The following NLRP3 variants were observed in gnomAD, a reference collection of about 807,000 sequenced individuals.
NLRP3 encodes NACHT, LRR and PYD domains-containing protein 3.
NLRP3 carries 48 observed loss-of-function variants against 91.3 expected under a neutral mutation model. The ratio of observed to expected loss-of-function variants is 0.53; its 90% CI spans 0.42 to 0.67. NLRP3 has a LOEUF of 0.67. NLRP3 is among the 30% of genes least tolerant of loss of function. The pLI, the probability that NLRP3 is intolerant of heterozygous loss-of-function variation, is 0.00. For synonymous variants in NLRP3, 561 were observed against 507.9 expected (o/e 1.10, Z -1.41); for missense variants, 982 against 1,276.9 (o/e 0.77, Z 3.52).
intron 9 of NLRP3, among the ~76,000 whole-genome samples, chr1:247,445,108 A>G (rs1438324240): frequency 6.6e-6 from 1 of 152,220 alleles, no homozygotes; most frequent in Non-Finnish European, 1.5e-5. Context: ...TCTGTTCTAC[A>G]CAAGGAACCG....
chr1:247,439,237 A>G (rs1302753762), intron 7 of NLRP3, among the ~76,000 whole-genome samples: 1 of 152,224 alleles, frequency 6.6e-6, no homozygotes, highest in East Asian at 1.9e-4. Context: ...TTAAATGCCT[A>G]GTCTGTTAGA....
At chr1:247,446,143 T>C (rs889901875) in intron 9 of NLRP3, among the ~76,000 whole-genome samples, 2 of 152,204 alleles carry the variant, frequency 1.3e-5, no homozygotes, top group Admixed American at 6.5e-5. Flanking sequence ...CTTATAATCA[T>C]GTCCAATGTG....
rs545793643 is a variant in NLRP3, at chr1:247,428,884, G to A, written c.2151-701G>A. On this transcript the variant is annotated intron_variant, in intron 4 of 9. Transcript: ENST00000336119. ...TTCCATGGATGTGGCCTGGGCTTGC[G>A]ATTTTCTTTTTCTTTTTTTTTTTTT... Among the ~76,000 whole-genome samples, 261 of 128,870 alleles carry A rather than the reference G, an allele frequency of 2.0e-3. 2 individuals carry two copies. Among genetic ancestry groups the A allele is most frequent in the South Asian group, 5.3e-3 (19 of 3,568 alleles). The allele number at this position is 128,870 out of a possible 152,430, so 84.5% of individuals were successfully genotyped here.
chr1:247,427,375 G>A (rs1380520909), intron 4 of NLRP3, among the ~76,000 whole-genome samples: 2 of 152,254 alleles, frequency 1.3e-5, no homozygotes, highest in Admixed American at 6.5e-5. Context: ...AGAAAAGTAG[G>A]CAGAACTACT....
intron 7 of NLRP3, among the ~76,000 whole-genome samples, chr1:247,443,127 G>A (rs948175729): frequency 3.3e-5 from 5 of 152,076 alleles, no homozygotes; most frequent in African/African-American, 1.2e-4. Flanking sequence ...CTTTCACCAT[G>A]TTGGCCAGGC....
Position 247,424,198 on chromosome 1 carries a change from G to C in NLRP3, c.749G>C (p.Arg250Thr). 1 of 1,614,114 alleles carries C rather than the reference G, an allele frequency of 6.2e-7. No homozygotes were observed. Among genetic ancestry groups the C allele is most frequent in the Non-Finnish European group, 8.5e-7 (1 of 1,180,030 alleles). The change falls in exon 4 of 10, where the codon AGG (arginine) becomes ACG (threonine). Residue 250 changes from arginine (R) to threonine (T), a missense_variant. Coordinates refer to ENST00000336119, the MANE Select transcript of NLRP3 (RefSeq NM_001243133.2). The surrounding 1 kb of genome is among the most constrained non-coding windows in gnomAD (Gnocchi z 8.1). ...GCGTCGGGGACACTCTACCAAGACA[G>C]GTTTGACTATCTGTTCTATATCCAC... The part of the protein sequence containing the change: ...DWASGTLYQD[R>T]FDYLFYIHCR...
chr1:247,436,069 C>T lies in NLRP3; in HGVS notation c.2592C>T (p.Ala864=), dbSNP rs1042922617. 5 of 1,614,022 alleles carry T rather than the reference C, an allele frequency of 3.1e-6. No homozygotes were observed. Among genetic ancestry groups the T allele is most frequent in the African/African-American group, 1.3e-5 (1 of 74,910 alleles). The change falls in exon 7 of 10, where the codon GCC becomes GCT. Residue 864 remains alanine, a synonymous_variant. Transcript: ENST00000336119. The part of the protein sequence containing the change: ...SLTRLYVGEN[A]LGDSGVAILC... ...CCAGACTCTATGTGGGGGAGAATGC[C>T]TTGGGAGACTCAGGAGTCGCAATTT...
intron 2 of NLRP3, among the ~76,000 whole-genome samples, chr1:247,421,916 T>C (rs894343234): frequency 1.3e-5 from 2 of 152,188 alleles, no homozygotes; most frequent in Admixed American, 1.3e-4. Flanking sequence ...GGTGCATCAC[T>C]TGAGCTCAGG....
chr1:247,443,908 A>AAGC, intron 7 of NLRP3, 64 bp from the exon 8 acceptor site: 1 of 1,543,786 alleles, frequency 6.5e-7, no homozygotes, highest in Non-Finnish European at 8.9e-7. Flanking sequence ...CACTGAGTCA[A>AAGC]AGCAGCTGCA....
At position 247,425,364 on chromosome 1, in the gene NLRP3, G is replaced by A. The variant is rs755808707; in HGVS notation, c.1915G>A (p.Asp639Asn). 6.2e-7 allele frequency: 1 copy of A among 1,614,194 alleles called. No individual in the cohort carries two copies. The highest frequency in any genetic ancestry group is 8.5e-7 in the Non-Finnish European group (1 of 1,180,028). The change falls in exon 4 of 10, where the codon GAC becomes AAC. Residue 639 changes from aspartate to asparagine, a missense_variant. Transcript: ENST00000336119. This position sits in a 1 kb window ranked among gnomAD's most constrained non-coding sequence, Gnocchi z 4.1. ...FYCLYEMQEEDFVQRAMDYFP... is the reference protein window; with the variant it reads ...FYCLYEMQEENFVQRAMDYFP... ...CTGTTTGTACGAGATGCAGGAGGAG[G>A]ACTTCGTGCAAAGGGCCATGGACTA...
intron 7 of NLRP3, among the ~76,000 whole-genome samples, chr1:247,439,982 T>A (rs1572216156): frequency 6.6e-6 from 1 of 152,258 alleles, no homozygotes. Flanking sequence ...TCGAGACTTT[T>A]ATGCATTTTA....
In NLRP3 at chr1:247,434,282, A is replaced by G. The variant is rs1182234388; in HGVS notation, c.2492+9A>G. The G allele has an allele frequency of 1.9e-6, 3 of 1,614,078 alleles. No individual in the cohort carries two copies. The highest frequency in any genetic ancestry group is 2.5e-6 in the Non-Finnish European group (3 of 1,179,944). ...AATCTGAAGAAGCTCTGGTGAGTCG[A>G]GCCCGTTCCCCTAAGGAAGTTCTGC... On this transcript the variant is annotated intron_variant, in intron 6 of 9. Coordinates refer to ENST00000336119, the MANE Select transcript of NLRP3 (RefSeq NM_001243133.2).
Position 247,418,743 on chromosome 1 carries a change from G to T in NLRP3, c.-58G>T. ...GACTCATCCGTGTGCCGTGTTCACT[G>T]CCTGGTATCTTAGTGTGGACCGAAG... On this transcript the variant is annotated 5_prime_UTR_variant, in exon 2 of 10. Transcript: ENST00000336119. 1 of 1,607,594 alleles carries T rather than the reference G, an allele frequency of 6.2e-7. No homozygotes were observed. Among genetic ancestry groups the T allele is most frequent in the South Asian group, 1.1e-5 (1 of 90,764 alleles).
At position 247,418,545 on chromosome 1, in the gene NLRP3, GC is replaced by G. The variant is rs911340313; in HGVS notation, c.-254del. On this transcript the variant is annotated 5_prime_UTR_variant, in exon 2 of 10. An upstream open reading frame in the 5' UTR loses its in-frame stop. Transcript: ENST00000336119. The stretch of plus-strand genomic sequence containing the variant: ...TTGAATTCCTCAGCTCAGGTGATCT[GC>G]CTGCCTTGGCCTCTCAAAGTGCTGG... The G allele has an allele frequency of 2.9e-5, 14 of 475,538 alleles. No homozygotes were observed. Among genetic ancestry groups the G allele is most frequent in the Middle Eastern group, 6.1e-4 (1 of 1,640 alleles). 29.5% of individuals were successfully genotyped at this position (475,538 alleles called of 1,614,324 possible).
intron 2 of NLRP3, 139 bp from the exon 3 acceptor site, chr1:247,423,091 G>A: frequency 8.3e-7 from 1 of 1,208,848 alleles, no homozygotes; most frequent in Non-Finnish European, 1.2e-6. Flanking sequence ...CTGGATACCT[G>A]TCCTCTGCAA....
chr1:247,423,207 G>T, intron 2 of NLRP3, 23 bp from the exon 3 acceptor site: 2 of 1,613,828 alleles, frequency 1.2e-6, no homozygotes, highest in South Asian at 2.2e-5. Context: ...TCTGGGTTTT[G>T]ACACCTTTTT....
rs756547568 is a variant in NLRP3 at position 247,425,072 on chromosome 1, G to A, written c.1623G>A (p.Arg541=). 43 of 1,614,032 alleles carry A rather than the reference G, an allele frequency of 2.7e-5. No individual in the cohort carries two copies. In the Admixed American group the frequency reaches 6.7e-4, roughly 25 times the overall value. ...TGCTGGAAGAGGAAAAGGAAGGAAG[G>A]ACGAACGTTCCAGGGAGTCGTTTGA... is the stretch of plus-strand genomic sequence containing the variant. ...YYLLEEEKEG[R]TNVPGSRLKL... Residue 541 remains arginine (R), a synonymous_variant, in exon 4 of 10, where the codon AGG becomes AGA. Coordinates refer to ENST00000336119, the MANE Select transcript of NLRP3 (RefSeq NM_001243133.2). The surrounding 1 kb of genome is among the most constrained non-coding windows in gnomAD (Gnocchi z 4.1).
intron 7 of NLRP3, among the ~76,000 whole-genome samples, chr1:247,437,090 C>CA (rs779617910): frequency 5.9e-5 from 9 of 152,220 alleles, no homozygotes; most frequent in Admixed American, 2.0e-4. Flanking sequence ...ATTCCCAGTG[C>CA]ATTGCCTTAG....
In NLRP3 at chr1:247,418,141, G is replaced by A. The variant is rs967974740; in HGVS notation, c.-660G>A. 2.6e-5 allele frequency: 4 copies of A among 153,646 alleles called. No homozygotes were observed. The highest frequency in any genetic ancestry group is 9.7e-5 in the African/African-American group (4 of 41,446). 9.5% of individuals were successfully genotyped at this position (153,646 alleles called of 1,614,324 possible). A position where few individuals can be genotyped will look rare whatever the true frequency, so the allele number is the denominator to read the frequency against. ...GGGACAAAAATTTTCTTGCTGATGG[G>A]TCAAGATGGCATCGTGAAGTGGTTG... On this transcript the variant is annotated 5_prime_UTR_variant, in exon 2 of 10. Transcript: ENST00000336119.
Sources: allele counts gnomAD v4.1 joint callset (sites outside exome capture counted in the v4.1 genomes callset), GRCh38; gene constraint gnomAD v4.1.1; non-coding constraint Gnocchi (gnomAD v3.1); transcripts MANE v1.5; gene names NCBI Gene and HGNC (gene_info 2026-07-23, HGNC 2026-07-21).